The following PPIG variants were observed in gnomAD, a reference collection of about 807,000 sequenced individuals.
PPIG encodes the protein peptidylprolyl isomerase G, also known as peptidyl-prolyl cis-trans isomerase G.
PPIG carries 26 observed loss-of-function variants against 87.9 expected under a neutral mutation model. The observed-to-expected ratio is 0.30, with a 90% CI of 0.22 to 0.41. The LOEUF (loss-of-function observed/expected upper bound fraction) is 0.41. Among genes scored for constraint, PPIG ranks in the 10% least tolerant of loss-of-function variants. The pLI is 1.00. For synonymous variants in PPIG, 308 were observed against 276.5 expected (o/e 1.11, Z -1.13); for missense variants, 722 against 879.4 (o/e 0.82, Z 2.26).
chr2:169,590,129 C>CAAAAAAAA (rs59876325), intron 1 of PPIG, among the ~76,000 whole-genome samples: 1 of 139,338 alleles, frequency 7.2e-6, no homozygotes, highest in Non-Finnish European at 1.6e-5. Flanking sequence ...CGACAACAAC[C>CAAAAAAAA]AAAAAAAAAA....
At position 169,606,028 on chromosome 2, in the gene PPIG, T is replaced by G. The variant is rs748318457; in HGVS notation, c.137-11T>G. 4 of 1,570,826 alleles carry G rather than the reference T, an allele frequency of 2.5e-6. No individual in the cohort carries two copies. The East Asian group carries it at 6.7e-5, about 26-fold the overall frequency. On this transcript the variant is annotated splice_polypyrimidine_tract_variant and intron_variant, in intron 4 of 13. Coordinates refer to ENST00000260970, the MANE Select transcript of PPIG (RefSeq NM_004792.3). ...CTTTCTATTAAATGTCCTATTTTTT[T>G]ATCTCTATAGGTGAAAAGGGGACCG...
At chr2:169,629,818 A>C (rs1412511603) in intron 9 of PPIG, among the ~76,000 whole-genome samples, 1 of 152,144 alleles carries the variant, frequency 6.6e-6, no homozygotes, top group Non-Finnish European at 1.5e-5. Flanking sequence ...ACAAAGAGCT[A>C]TTTCCCTTCA....
chr2:169,596,367 A>G (rs905186167), intron 1 of PPIG, among the ~76,000 whole-genome samples: 1 of 151,782 alleles, frequency 6.6e-6, no homozygotes. Flanking sequence ...AGCCTCCCAA[A>G]GTGCTGGGAT....
chr2:169,594,642 T>A (rs1394595778), intron 1 of PPIG, among the ~76,000 whole-genome samples: 3 of 148,622 alleles, frequency 2.0e-5, no homozygotes, highest in Non-Finnish European at 4.5e-5. Flanking sequence ...TTTTTTTTTT[T>A]TTTTGAGACA....
chr2:169,592,593 C>T (rs560572585), intron 1 of PPIG, among the ~76,000 whole-genome samples: 1 of 151,962 alleles, frequency 6.6e-6, no homozygotes, highest in Admixed American at 6.6e-5. Context: ...CGTGAGCCAC[C>T]GTGCCTGGCT....
At chr2:169,614,201 C>CT (rs1685558779) in intron 7 of PPIG, among the ~76,000 whole-genome samples, 1 of 152,152 alleles carries the variant, frequency 6.6e-6, no homozygotes, top group Non-Finnish European at 1.5e-5. Context: ...ACTGAAATGT[C>CT]TATTTTAGTT....
At chr2:169,605,286 C>T (rs1389551038) in intron 4 of PPIG, among the ~76,000 whole-genome samples, 8 of 152,046 alleles carry the variant, frequency 5.3e-5, no homozygotes, top group Admixed American at 2.6e-4. Flanking sequence ...GAGCCAAGAT[C>T]GCACCATTGC....
chr2:169,591,560 G>A (rs975296293), intron 1 of PPIG, among the ~76,000 whole-genome samples: 5 of 151,996 alleles, frequency 3.3e-5, no homozygotes, highest in African/African-American at 1.2e-4. Context: ...TTAAAAATGT[G>A]TTTTCATTAT....
chr2:169,636,956 C>T lies in PPIG; in HGVS notation c.1698C>T (p.Ser566=). The T allele has an allele frequency of 1.2e-6, 2 of 1,613,774 alleles. No individual in the cohort carries two copies. The highest frequency in any genetic ancestry group is 1.7e-6 in the Non-Finnish European group (2 of 1,179,930). Reference sequence around the variant, plus strand: ...ATAATAGCAGAACAAGAGAACGAAGCAGAAGTAGGGACAGAAGCAGAAGAG... The same window carrying T: ...ATAATAGCAGAACAAGAGAACGAAGTAGAAGTAGGGACAGAAGCAGAAGAG... ...HSYNSRTRER[S]RSRDRSRRVR... Residue 566 remains serine, a synonymous_variant, in exon 14 of 14, where the codon AGC becomes AGT. Transcript: ENST00000260970.
chr2:169,634,726 G>A (rs970225252), intron 12 of PPIG, among the ~76,000 whole-genome samples: 19 of 151,626 alleles, frequency 1.3e-4, no homozygotes, highest in African/African-American at 4.1e-4. Context: ...ACCCATCACC[G>A]AATACTGTCA....
chr2:169,604,487 TTACTC>T (rs921993177), intron 4 of PPIG, among the ~76,000 whole-genome samples: 4 of 151,952 alleles, frequency 2.6e-5, no homozygotes. Flanking sequence ...AATTTTTTAT[TTACTC>T]TATTTTAGAT....
In PPIG at chr2:169,606,462, C is replaced by T. The variant is rs371251577; in HGVS notation, c.244+316C>T. Among the ~76,000 whole-genome samples the T allele has an allele frequency of 1.8e-4, 27 of 151,882 alleles. No individual in the cohort carries two copies. In the East Asian group the frequency reaches 3.9e-3, roughly 22 times the overall value. On this transcript the variant is annotated intron_variant, in intron 5 of 13. Transcript: ENST00000260970. ...GAAAAATTTGCTGGGCATGATGGCA[C>T]GTGGCTGTAGTCCCAGCTACTTGAG...
rs529191655 is a variant in PPIG at position 169,605,226 on chromosome 2, C to T, written c.137-813C>T. 7.3e-4 allele frequency among the ~76,000 whole-genome samples: 111 copies of T among 151,992 alleles called. No individual in the cohort carries two copies. In the South Asian group the frequency reaches 0.022, roughly 30 times the overall value. ...GTGGGTGCCTGTAATCCCAGCTACTCGGGAGGCTCAGACAGGAGAATCACT... is the reference window on the plus strand; with the variant it reads ...GTGGGTGCCTGTAATCCCAGCTACTTGGGAGGCTCAGACAGGAGAATCACT... On this transcript the variant is annotated intron_variant, in intron 4 of 13. Coordinates refer to ENST00000260970, the MANE Select transcript of PPIG (RefSeq NM_004792.3).
chr2:169,584,849 C>T, intron 1 of PPIG: 1 of 276,352 alleles, frequency 3.6e-6, no homozygotes, highest in Non-Finnish European at 7.1e-6. Flanking sequence ...CTCTAGGGAG[C>T]CGGGTTGATT....
chr2:169,598,225 C>T lies in PPIG; in HGVS notation c.-69-5417C>T, dbSNP rs932260642. 1.2e-4 allele frequency among the ~76,000 whole-genome samples: 19 copies of T among 152,240 alleles called. No homozygotes were observed. In the East Asian group the frequency reaches 2.9e-3, roughly 23 times the overall value. On this transcript the variant is annotated intron_variant, in intron 1 of 13. Transcript: ENST00000260970. ...TGTTGCCCAGGCTGGTCTCAAACTC[C>T]TGGACTCAAGCAATCCACCTGTCTC...
chr2:169,602,342 G>A (rs111244634), intron 1 of PPIG, among the ~76,000 whole-genome samples: 1 of 152,216 alleles, frequency 6.6e-6, no homozygotes, highest in African/African-American at 2.4e-5. Flanking sequence ...GATTGTTTGA[G>A]TCTCGCTCTG....
At chr2:169,625,007 G>A (rs1032405027) in intron 9 of PPIG, among the ~76,000 whole-genome samples, 3 of 152,128 alleles carry the variant, frequency 2.0e-5, no homozygotes, top group South Asian at 2.1e-4. Flanking sequence ...GGTATACAGC[G>A]TGATGTTATG....
chr2:169,634,056 C>T (rs754001007), intron 12 of PPIG, among the ~76,000 whole-genome samples: 22 of 151,836 alleles, frequency 1.4e-4, no homozygotes, highest in Admixed American at 2.6e-4. Context: ...CTCAAAACTC[C>T]TGACCTCAGG....
chr2:169,618,899 TCTTCTGCTAG>T (rs1483696294), intron 9 of PPIG, among the ~76,000 whole-genome samples: 5 of 151,894 alleles, frequency 3.3e-5, no homozygotes, highest in Non-Finnish European at 5.9e-5. Context: ...GTATTTCTCG[TCTTCTGCTAG>T]CTTCTGCTAG....
Sources: gnomAD v4.1 joint callset for allele counts (sites outside exome capture counted in the v4.1 genomes callset) on GRCh38, gnomAD v4.1.1 for gene constraint, MANE v1.5 for transcripts, NCBI Gene and HGNC (gene_info 2026-07-23, HGNC 2026-07-21) for gene names.